STAU2: variants seen among roughly 807,000 people sequenced by gnomAD.
The protein encoded by STAU2 is double-stranded RNA-binding protein Staufen homolog 2.
In STAU2, 20 loss-of-function variants were observed where a neutral mutation model predicts 65.9. The observed-to-expected ratio is 0.30, with a 90% confidence interval of 0.21 to 0.44. The LOEUF is 0.44. Among genes scored for constraint, STAU2 ranks in the 20% least tolerant of loss-of-function variants. The pLI, the probability that STAU2 is intolerant of heterozygous loss-of-function variation, is 1.00. For missense variants in STAU2, 558 were observed against 683.9 expected (o/e 0.82, Z 2.05); for synonymous variants, 232 against 233.9 (o/e 0.99, Z 0.07).
chr8:73,681,112 G>C (rs1027828092), intron 5 of STAU2, among the ~76,000 whole-genome samples: 2 of 152,014 alleles, frequency 1.3e-5, no homozygotes, highest in African/African-American at 4.8e-5. Context: ...GAAGGTCAAG[G>C]AACACCCAGG....
At chr8:73,520,305 C>T (rs1030525005) in intron 13 of STAU2, among the ~76,000 whole-genome samples, 2 of 152,164 alleles carry the variant, frequency 1.3e-5, no homozygotes, top group African/African-American at 4.8e-5. Context: ...GAATAAAATA[C>T]ATACCAGATT....
intron 13 of STAU2, among the ~76,000 whole-genome samples, chr8:73,508,524 C>A (rs1056548673): frequency 6.6e-6 from 1 of 151,952 alleles, no homozygotes; most frequent in African/African-American, 2.4e-5. Flanking sequence ...ATAACACATA[C>A]AATAATCATA....
intron 13 of STAU2, among the ~76,000 whole-genome samples, chr8:73,463,596 C>T (rs531194601): frequency 1.7e-4 from 26 of 152,264 alleles, no homozygotes; most frequent in African/African-American, 4.8e-4. Flanking sequence ...TTAGGTTTAC[C>T]GACTGATGTG....
intron 13 of STAU2, among the ~76,000 whole-genome samples, chr8:73,498,793 C>G (rs1821578268): frequency 6.6e-6 from 1 of 151,754 alleles, no homozygotes; most frequent in Non-Finnish European, 1.5e-5. Context: ...TTTCAACTAC[C>G]CCATGAGACA....
chr8:73,556,759 G>T (rs1436870195), intron 12 of STAU2, among the ~76,000 whole-genome samples: 2 of 152,064 alleles, frequency 1.3e-5, no homozygotes, highest in African/African-American at 2.4e-5. Flanking sequence ...AAAAATCTTT[G>T]CCAGTTATCA....
intron 3 of STAU2, among the ~76,000 whole-genome samples, chr8:73,737,320 A>G (rs1364275889): frequency 2.0e-5 from 3 of 150,638 alleles, no homozygotes; most frequent in Non-Finnish European, 4.4e-5. Flanking sequence ...ACAGGCACGC[A>G]CCACCATGCC....
At chr8:73,447,224 A>C (rs992027865) in intron 13 of STAU2, among the ~76,000 whole-genome samples, 1 of 152,232 alleles carries the variant, frequency 6.6e-6, no homozygotes, top group African/African-American at 2.4e-5. Context: ...GATTACAGGC[A>C]TGAGCCACCG....
At chr8:73,438,357 G>A (rs768845780) in intron 13 of STAU2, among the ~76,000 whole-genome samples, 1 of 152,204 alleles carries the variant, frequency 6.6e-6, no homozygotes, top group Non-Finnish European at 1.5e-5. Context: ...CCAGACAGCT[G>A]TGAGGAAAGG....
At chr8:73,460,639 G>C (rs1425378699) in intron 13 of STAU2, among the ~76,000 whole-genome samples, 2 of 152,154 alleles carry the variant, frequency 1.3e-5, no homozygotes, top group East Asian at 3.9e-4. Flanking sequence ...TTCTAGACTT[G>C]AGCTGTCTTG....
intron 13 of STAU2, among the ~76,000 whole-genome samples, chr8:73,462,499 T>C (rs992721806): frequency 6.6e-6 from 1 of 152,024 alleles, no homozygotes; most frequent in Non-Finnish European, 1.5e-5. Flanking sequence ...GAGCTCAAGC[T>C]GTTCTCCCAC....
chr8:73,538,614 T>C (rs1806330839), intron 13 of STAU2, among the ~76,000 whole-genome samples: 1 of 150,128 alleles, frequency 6.7e-6, no homozygotes, highest in South Asian at 2.1e-4. Context: ...CCTGGAGACT[T>C]GTAATATTGA....
intron 13 of STAU2, among the ~76,000 whole-genome samples, chr8:73,507,974 T>A (rs913085304): frequency 6.6e-6 from 1 of 152,170 alleles, no homozygotes; most frequent in Admixed American, 6.5e-5. Context: ...TTGAAGAGAG[T>A]TAGGGCCTTG....
intron 13 of STAU2, among the ~76,000 whole-genome samples, chr8:73,511,997 C>G (rs1249024707): frequency 6.6e-6 from 1 of 152,136 alleles, no homozygotes; most frequent in East Asian, 1.9e-4. Context: ...CCAGTACCCT[C>G]TGTTGAAAAT....
chr8:73,686,893 C>T (rs1448144140), intron 5 of STAU2, among the ~76,000 whole-genome samples: 5 of 143,152 alleles, frequency 3.5e-5, no homozygotes, highest in Admixed American at 1.4e-4. Flanking sequence ...GGGTTTCTTT[C>T]TTTTTTTTTT....
chr8:73,634,956 A>G (rs867204562), intron 6 of STAU2, among the ~76,000 whole-genome samples: 10 of 151,978 alleles, frequency 6.6e-5, no homozygotes, highest in African/African-American at 2.2e-4. Flanking sequence ...TTTATTTTCT[A>G]TCTCCCCCAA....
At chr8:73,567,986 A>C (rs1404063036) in intron 12 of STAU2, among the ~76,000 whole-genome samples, 1 of 152,202 alleles carries the variant, frequency 6.6e-6, no homozygotes, top group Non-Finnish European at 1.5e-5. Flanking sequence ...ATAAACAAAT[A>C]CTTTCTAAAA....
chr8:73,524,939 G>A (rs1823263829), intron 13 of STAU2, among the ~76,000 whole-genome samples: 1 of 152,152 alleles, frequency 6.6e-6, no homozygotes. Flanking sequence ...TCAGGTTGGG[G>A]AGAGGGTAAC....
At chr8:73,551,385 G>T (rs774911635) in intron 13 of STAU2, 89 of 986,898 alleles carry the variant, frequency 9.0e-5, no homozygotes, top group Admixed American at 1.2e-4. Context: ...TCTGAGGCAG[G>T]TGCTACCCTC....
chr8:73,719,997 G>C (rs1821526221), intron 3 of STAU2, among the ~76,000 whole-genome samples: 1 of 152,082 alleles, frequency 6.6e-6, no homozygotes, highest in Admixed American at 6.5e-5. Flanking sequence ...AAGCTACTCA[G>C]GGCTAGGCAT....
Sources: gnomAD v4.1 joint callset for allele counts (sites outside exome capture counted in the v4.1 genomes callset) on GRCh38, gnomAD v4.1.1 for gene constraint, MANE v1.5 for transcripts, NCBI Gene and HGNC (gene_info 2026-07-23, HGNC 2026-07-21) for gene names.